Variants in GALNTL6 observed in about 807,000 individuals in gnomAD.
GALNTL6 encodes polypeptide N-acetylgalactosaminyltransferase-like 6.
A neutral mutation model predicts 73.7 loss-of-function variants in GALNTL6; 46 were observed. The observed-to-expected ratio is 0.62, with a 90% CI of 0.49 to 0.80. The LOEUF (loss-of-function observed/expected upper bound fraction) is 0.80, where lower values mean the gene tolerates loss of function less well. GALNTL6 is among the 30% of genes least tolerant of loss of function. The pLI is 0.00. For missense variants in GALNTL6, 604 were observed against 755.0 expected (o/e 0.80, Z 2.34); for synonymous variants, 259 against 263.7 (o/e 0.98, Z 0.17).
chr4:172,340,767 A>G (rs1741531185), intron 4 of GALNTL6, among the ~76,000 whole-genome samples: 1 of 152,198 alleles, frequency 6.6e-6, no homozygotes, highest in South Asian at 2.1e-4. Context: ...TACTCCACCT[A>G]ATTCTCCATA....
At position 173,012,315 on chromosome 4, in the gene GALNTL6, T is replaced by C. The variant is rs751018677; in HGVS notation, c.1488+3021T>C. ...GATGTTAAAGAGTTGTCCAGATGTG[T>C]TGAGATTCACCTCCCTCGCCCCACC... is the stretch of plus-strand genomic sequence containing the variant. On this transcript the variant is annotated intron_variant, in intron 11 of 12. Coordinates refer to ENST00000506823, the MANE Select transcript of GALNTL6 (RefSeq NM_001034845.3). 8.5e-5 allele frequency among the ~76,000 whole-genome samples: 13 copies of C among 152,124 alleles called. 1 individual carries two copies. The highest frequency in any genetic ancestry group is 2.0e-4 in the Admixed American group (3 of 15,268).
chr4:172,723,900 T>C (rs1735642941), intron 5 of GALNTL6, among the ~76,000 whole-genome samples: 1 of 152,180 alleles, frequency 6.6e-6, no homozygotes, highest in Non-Finnish European at 1.5e-5. Context: ...AGTACCTCTG[T>C]ACAGGTTCAC....
chr4:172,416,134 G>C (rs943306023), intron 5 of GALNTL6, among the ~76,000 whole-genome samples: 1 of 152,102 alleles, frequency 6.6e-6, no homozygotes, highest in African/African-American at 2.4e-5. Flanking sequence ...AAGAATTTTT[G>C]CTTTAAAAGA....
chr4:172,114,134 T>G (rs1335564767), intron 2 of GALNTL6, among the ~76,000 whole-genome samples: 2 of 152,106 alleles, frequency 1.3e-5, no homozygotes, highest in African/African-American at 4.8e-5. Context: ...AAAGCTTCTC[T>G]TCATAATTTG....
chr4:172,955,758 G>T lies in GALNTL6; in HGVS notation c.1371+3500G>T, dbSNP rs191247700. Among the ~76,000 whole-genome samples, 486 of 152,206 alleles carry T rather than the reference G, an allele frequency of 3.2e-3. 1 individual carries two copies. Among genetic ancestry groups the T allele is most frequent in the Non-Finnish European group, 5.4e-3 (370 of 68,010 alleles). ...GCAAGTGGGCTGAGTCCGAAAAGAA[G>T]GGAGATAGGGGTGGGGCCGTTTTAT... is the stretch of plus-strand genomic sequence containing the variant. On this transcript the variant is annotated intron_variant, in intron 10 of 12. Coordinates refer to ENST00000506823, the MANE Select transcript of GALNTL6 (RefSeq NM_001034845.3).
chr4:172,421,964 C>A (rs1052460442), intron 5 of GALNTL6, among the ~76,000 whole-genome samples: 2 of 151,984 alleles, frequency 1.3e-5, no homozygotes, highest in Admixed American at 6.6e-5. Context: ...TTAATCTAAT[C>A]AAAAAATTAG....
intron 7 of GALNTL6, among the ~76,000 whole-genome samples, chr4:172,871,167 G>T (rs1744910638): frequency 6.6e-6 from 1 of 152,096 alleles, no homozygotes; most frequent in South Asian, 2.1e-4. Context: ...CCATGCCAAG[G>T]GCCAGGCCTT....
chr4:172,247,096 C>T (rs1407052196), intron 3 of GALNTL6, among the ~76,000 whole-genome samples: 1 of 152,096 alleles, frequency 6.6e-6, no homozygotes. Context: ...CTCTCCACCA[C>T]ATACAGGCCC....
intron 2 of GALNTL6, among the ~76,000 whole-genome samples, chr4:172,066,422 T>C (rs1731366153): frequency 6.6e-6 from 1 of 152,202 alleles, no homozygotes; most frequent in Non-Finnish European, 1.5e-5. Context: ...TTTCATGACT[T>C]TCTTTGCTTT....
intron 2 of GALNTL6, among the ~76,000 whole-genome samples, chr4:171,848,252 C>A (rs1364683946): frequency 1.3e-5 from 2 of 152,146 alleles, no homozygotes; most frequent in African/African-American, 4.8e-5. Context: ...ATTTTCTCAT[C>A]AGTAGGCTTA....
At chr4:172,850,928 G>C (rs953586833) in intron 7 of GALNTL6, among the ~76,000 whole-genome samples, 2 of 152,108 alleles carry the variant, frequency 1.3e-5, no homozygotes, top group African/African-American at 2.4e-5. Flanking sequence ...ATGTCCTCAG[G>C]TGCACCATCT....
intron 2 of GALNTL6, among the ~76,000 whole-genome samples, chr4:172,042,106 C>T (rs931255293): frequency 3.3e-5 from 5 of 151,988 alleles, no homozygotes; most frequent in African/African-American, 1.2e-4. Flanking sequence ...AGCACTGATA[C>T]CCTGAACATT....
At chr4:173,015,692 A>C (rs1752752813) in intron 11 of GALNTL6, among the ~76,000 whole-genome samples, 1 of 152,192 alleles carries the variant, frequency 6.6e-6, no homozygotes, top group South Asian at 2.1e-4. Flanking sequence ...ATTCAGGAGG[A>C]AGCAGAGCAC....
chr4:172,175,904 GTGT>G (rs956938330), intron 2 of GALNTL6, among the ~76,000 whole-genome samples: 3 of 151,816 alleles, frequency 2.0e-5, no homozygotes, highest in African/African-American at 7.3e-5. Flanking sequence ...AAAATTACAG[GTGT>G]TATAAAAATC....
intron 2 of GALNTL6, among the ~76,000 whole-genome samples, chr4:172,132,753 A>C (rs536116811): frequency 1.3e-5 from 2 of 152,312 alleles, no homozygotes; most frequent in South Asian, 4.1e-4. Flanking sequence ...TAAAACAGCT[A>C]AACATCTATC....
In GALNTL6 at chr4:172,510,107, A is replaced by G. The variant is rs1210539445; in HGVS notation, c.553+161418A>G. Among the ~76,000 whole-genome samples the G allele has an allele frequency of 3.7e-5, 2 of 54,688 alleles. 1 individual carries two copies. Among genetic ancestry groups the G allele is most frequent in the African/African-American group, 9.2e-5 (2 of 21,796 alleles). The allele number at this position is 54,688 out of a possible 152,430, so 35.9% of individuals were successfully genotyped here. ...GTGTTTCCATTTGTTTGTGTTGTCT[A>G]TGATTTCTTTCAGCAGTGTTTTGTA... On this transcript the variant is annotated intron_variant, in intron 5 of 12. Transcript: ENST00000506823.
At chr4:171,881,583 AC>A (rs1736449542) in intron 2 of GALNTL6, among the ~76,000 whole-genome samples, 1 of 152,196 alleles carries the variant, frequency 6.6e-6, no homozygotes, top group Admixed American at 6.5e-5. Flanking sequence ...TCAGAGACAC[AC>A]CCAGGATCAA....
chr4:172,563,173 G>A (rs991426068), intron 5 of GALNTL6, among the ~76,000 whole-genome samples: 13 of 152,120 alleles, frequency 8.5e-5, no homozygotes. Flanking sequence ...TAGTTTAATT[G>A]CTAGACCTGT....
intron 5 of GALNTL6, among the ~76,000 whole-genome samples, chr4:172,565,420 A>C (rs1377709015): frequency 1.3e-5 from 2 of 152,164 alleles, no homozygotes; most frequent in Admixed American, 6.5e-5. Context: ...GTATATGTTG[A>C]AGCAAACTCA....
Sources: gnomAD v4.1 joint callset for allele counts (sites outside exome capture counted in the v4.1 genomes callset) on GRCh38, gnomAD v4.1.1 for gene constraint, MANE v1.5 for transcripts, NCBI Gene and HGNC (gene_info 2026-07-23, HGNC 2026-07-21) for gene names.